Variants in TENM2 observed in about 807,000 individuals in gnomAD.
TENM2 encodes the protein teneurin-2.
In TENM2, 52 loss-of-function variants were observed where a neutral mutation model predicts 245.2. The observed-to-expected ratio is 0.21, with a 90% CI of 0.17 to 0.27. The LOEUF (loss-of-function observed/expected upper bound fraction) is 0.27, where lower values mean the gene tolerates loss of function less well. Among genes scored for constraint, TENM2 ranks in the 10% least tolerant of loss-of-function variants. The pLI is 1.00. For missense variants in TENM2, 3,046 were observed against 3,666.8 expected (o/e 0.83, Z 4.37); for synonymous variants, 1,363 against 1,438.9 (o/e 0.95, Z 1.19).
chr5:168,117,986 T>C (rs1795200072), intron 9 of TENM2, among the ~76,000 whole-genome samples: 1 of 152,140 alleles, frequency 6.6e-6, no homozygotes, highest in Non-Finnish European at 1.5e-5. Context: ...CCTGCAAAAA[T>C]GGGGACCATG....
intron 2 of TENM2, among the ~76,000 whole-genome samples, chr5:167,641,542 C>T (rs190724494): frequency 1.3e-5 from 2 of 152,302 alleles, no homozygotes; most frequent in Admixed American, 1.3e-4. Context: ...ATTTCTCAAA[C>T]AATCCTTCTG....
chr5:168,209,515 C>T (rs1356794378), intron 19 of TENM2, among the ~76,000 whole-genome samples: 1 of 152,156 alleles, frequency 6.6e-6, no homozygotes, highest in Non-Finnish European at 1.5e-5. Flanking sequence ...GAAACTAAAC[C>T]AAATGCACCC....
At chr5:167,307,621 A>C (rs547778141) in intron 1 of TENM2, among the ~76,000 whole-genome samples, 13 of 152,298 alleles carry the variant, frequency 8.5e-5, no homozygotes, top group African/African-American at 2.9e-4. Context: ...TCCTAAATTT[A>C]GAGCAAGAAC....
At chr5:168,203,734 G>T in exon 18 of TENM2, 1 of 1,612,802 alleles carries the variant, frequency 6.2e-7, no homozygotes, top group South Asian at 1.1e-5. Context: ...CTAATTCTCT[G>T]GGAGAAAAGG....
chr5:167,859,886 G>A (rs1177822193), intron 2 of TENM2, among the ~76,000 whole-genome samples: 3 of 27,428 alleles, frequency 1.1e-4, no homozygotes, highest in African/African-American at 3.1e-4. Context: ...TGCCCGGCCA[G>A]CCGCCCCGTC....
intron 14 of TENM2, among the ~76,000 whole-genome samples, chr5:168,194,800 G>A (rs987390778): frequency 6.6e-6 from 1 of 152,020 alleles, no homozygotes. Context: ...CCAAAAAATG[G>A]AAATAAGTAG....
the TENM2 span, among the ~76,000 whole-genome samples, chr5:167,124,904 G>A: frequency 3.4e-4 from 52 of 152,274 alleles, no homozygotes; most frequent in Non-Finnish European, 5.4e-4. Flanking sequence ...GTTCTACAGA[G>A]ACTTCATCAT....
At chr5:167,019,016 T>C in the TENM2 span, among the ~76,000 whole-genome samples, 1 of 152,324 alleles carries the variant, frequency 6.6e-6, no homozygotes, top group Non-Finnish European at 1.5e-5. Flanking sequence ...TTAGATTCCT[T>C]CTCAGGTCTG....
At chr5:167,058,717 C>T in the TENM2 span, among the ~76,000 whole-genome samples, 10 of 151,880 alleles carry the variant, frequency 6.6e-5, no homozygotes, top group East Asian at 5.8e-4. Flanking sequence ...TGCCACTGCA[C>T]GCCAGCTCAG....
At chr5:168,219,931 A>G (rs1385401392) in intron 23 of TENM2, among the ~76,000 whole-genome samples, 3 of 151,534 alleles carry the variant, frequency 2.0e-5, no homozygotes. Context: ...TTTGTATGCC[A>G]ATGGTCTTGG....
the TENM2 span, among the ~76,000 whole-genome samples, chr5:167,131,555 C>G: frequency 4.1e-4 from 63 of 152,256 alleles, no homozygotes; most frequent in African/African-American, 1.2e-3. Flanking sequence ...CAGCTGCTTC[C>G]TTAGGGGAAC....
At chr5:167,998,322 G>A (rs1431538190) in intron 5 of TENM2, among the ~76,000 whole-genome samples, 1 of 152,192 alleles carries the variant, frequency 6.6e-6, no homozygotes, top group Admixed American at 6.5e-5. Flanking sequence ...CTGTGTCATG[G>A]AATGACATCA....
exon 4 of TENM2, chr5:167,952,638 C>A (rs373398577): frequency 5.0e-6 from 8 of 1,613,170 alleles, no homozygotes; most frequent in East Asian, 4.5e-5. Flanking sequence ...TCTCCCACCC[C>A]CTCACAACCA....
upstream of TENM2, among the ~76,000 whole-genome samples, chr5:167,280,856 C>G (rs1037836436): frequency 6.6e-6 from 1 of 151,608 alleles, no homozygotes; most frequent in African/African-American, 2.4e-5. Context: ...AAAGAAACCC[C>G]AGGGAACTCA....
At chr5:168,245,042 C>A (rs1433740769) in intron 26 of TENM2, among the ~76,000 whole-genome samples, 1 of 152,214 alleles carries the variant, frequency 6.6e-6, no homozygotes, top group East Asian at 1.9e-4. Flanking sequence ...GCTGGGATTA[C>A]AGGTATGAGT....
chr5:168,031,525 A>T (rs1209421424), intron 5 of TENM2, among the ~76,000 whole-genome samples: 3 of 152,146 alleles, frequency 2.0e-5, no homozygotes, highest in African/African-American at 7.2e-5. Context: ...ATTTCATTGA[A>T]TGTGGCAACC....
intron 2 of TENM2, among the ~76,000 whole-genome samples, chr5:167,807,838 A>G (rs1184935635): frequency 6.6e-6 from 1 of 152,126 alleles, no homozygotes; most frequent in African/African-American, 2.4e-5. Flanking sequence ...TACCTGGGGA[A>G]CTTTTAAAAT....
intron 11 of TENM2, among the ~76,000 whole-genome samples, chr5:168,126,014 G>A (rs1795822443): frequency 6.6e-6 from 1 of 152,200 alleles, no homozygotes; most frequent in Admixed American, 6.5e-5. Context: ...ATGAAAGGAT[G>A]AATGTCTGGC....
At chr5:167,822,755 A>C (rs1376361060) in intron 2 of TENM2, among the ~76,000 whole-genome samples, 1 of 152,188 alleles carries the variant, frequency 6.6e-6, no homozygotes, top group Non-Finnish European at 1.5e-5. Flanking sequence ...ACAACACATT[A>C]GGCATGCACT....
Sources: gnomAD v4.1 joint callset for allele counts (sites outside exome capture counted in the v4.1 genomes callset) on GRCh38, gnomAD v4.1.1 for gene constraint, MANE v1.5 for transcripts, NCBI Gene and HGNC (gene_info 2026-07-23, HGNC 2026-07-21) for gene names.